The following SPAG16 variants were observed in gnomAD, a reference collection of about 807,000 sequenced individuals.
The protein encoded by SPAG16 is sperm associated antigen 16.
A neutral mutation model predicts 80.4 loss-of-function variants in SPAG16; 86 were observed. The ratio of observed to expected loss-of-function variants is 1.07; its 90% CI spans 0.90 to 1.28. The LOEUF (loss-of-function observed/expected upper bound fraction) is 1.28. Ranked by LOEUF, SPAG16 falls within the 50% of genes most tolerant of loss-of-function variation. The pLI is 0.00. For synonymous variants in SPAG16, 294 were observed against 265.9 expected (o/e 1.11, Z -1.03); for missense variants, 870 against 765.3 (o/e 1.14, Z -1.61).
chr2:213,527,852 C>T (rs1399931919), intron 10 of SPAG16, among the ~76,000 whole-genome samples: 2 of 151,912 alleles, frequency 1.3e-5, no homozygotes, highest in South Asian at 2.1e-4. Context: ...ATATTTCTTG[C>T]AGCACATAGA....
chr2:213,740,102 C>T (rs2067476713), intron 10 of SPAG16, among the ~76,000 whole-genome samples: 1 of 152,018 alleles, frequency 6.6e-6, no homozygotes, highest in Admixed American at 6.6e-5. Flanking sequence ...ACTGAAAAAT[C>T]ATATTACATT....
At chr2:214,098,071 A>T (rs2052729738) in intron 13 of SPAG16, among the ~76,000 whole-genome samples, 1 of 152,100 alleles carries the variant, frequency 6.6e-6, no homozygotes, top group Non-Finnish European at 1.5e-5. Flanking sequence ...TGCTTGTATG[A>T]TATCCAAGTC....
intron 10 of SPAG16, among the ~76,000 whole-genome samples, chr2:213,663,219 A>G (rs1412056412): frequency 6.6e-6 from 1 of 152,130 alleles, no homozygotes; most frequent in African/African-American, 2.4e-5. Flanking sequence ...AAAATTCTAT[A>G]GTGAGTTCTT....
intron 10 of SPAG16, among the ~76,000 whole-genome samples, chr2:213,493,506 T>G (rs2125743429): frequency 6.6e-6 from 1 of 152,334 alleles, no homozygotes; most frequent in Non-Finnish European, 1.5e-5. Context: ...GTCTTTCTTC[T>G]ACTCTTACAC....
intron 10 of SPAG16, among the ~76,000 whole-genome samples, chr2:213,757,439 G>A (rs1429353066): frequency 1.3e-5 from 2 of 151,972 alleles, no homozygotes; most frequent in East Asian, 3.9e-4. Context: ...TGCACTTCCT[G>A]ACTTCAAAGG....
At chr2:213,595,387 C>T (rs2060851612) in intron 10 of SPAG16, among the ~76,000 whole-genome samples, 2 of 152,058 alleles carry the variant, frequency 1.3e-5, no homozygotes, top group Admixed American at 1.3e-4. Flanking sequence ...GTTTATCCAG[C>T]TGGAAAAAGT....
At chr2:214,233,799 A>G (rs1688875107) in intron 15 of SPAG16, among the ~76,000 whole-genome samples, 1 of 152,138 alleles carries the variant, frequency 6.6e-6, no homozygotes. Flanking sequence ...GATGTAAAAA[A>G]AATTATGAGG....
At chr2:214,279,652 C>T (rs997220377) in intron 15 of SPAG16, among the ~76,000 whole-genome samples, 3 of 152,206 alleles carry the variant, frequency 2.0e-5, no homozygotes, top group Non-Finnish European at 4.4e-5. Flanking sequence ...AAGTATTCAT[C>T]AGAGTACTGA....
At chr2:214,298,141 TACACACACACACACATATAC>T (rs1215595601) in intron 15 of SPAG16, among the ~76,000 whole-genome samples, 1,782 of 132,344 alleles carry the variant, frequency 0.013, 44 homozygotes, top group African/African-American at 0.052. Context: ...CACATACACA[TACACACACACACACATATAC>T]ACACACACAC....
Position 214,302,754 on chromosome 2 carries a change from A to T in SPAG16, c.1721-107386A>T, listed in dbSNP as rs191156187. Among the ~76,000 whole-genome samples the T allele has an allele frequency of 2.6e-5, 4 of 152,314 alleles. No homozygotes were observed. In the East Asian group the frequency reaches 7.7e-4, roughly 29 times the overall value. ...TGCCTCAGCCTCCCGAAGTGCTGGG[A>T]TTACAGGTGTGAGCCACCGCGCCTG... On this transcript the variant is annotated intron_variant, in intron 15 of 15. Transcript: ENST00000331683.
intron 12 of SPAG16, among the ~76,000 whole-genome samples, chr2:213,955,229 A>G (rs2044059744): frequency 6.6e-6 from 1 of 152,132 alleles, no homozygotes; most frequent in African/African-American, 2.4e-5. Context: ...GTTGCATCTA[A>G]GAAGTCATTA....
chr2:213,294,984 G>C (rs1575103542), intron 1 of SPAG16, among the ~76,000 whole-genome samples: 1 of 152,080 alleles, frequency 6.6e-6, no homozygotes, highest in East Asian at 1.9e-4. Flanking sequence ...AAAACACTTA[G>C]AACAGTTCCT....
chr2:213,481,047 C>T (rs1173907273), intron 9 of SPAG16, among the ~76,000 whole-genome samples: 1 of 152,168 alleles, frequency 6.6e-6, no homozygotes, highest in African/African-American at 2.4e-5. Flanking sequence ...ATATATTAGG[C>T]AGTGAACGCA....
At chr2:213,925,902 T>A (rs959381342) in intron 11 of SPAG16, among the ~76,000 whole-genome samples, 3 of 152,168 alleles carry the variant, frequency 2.0e-5, no homozygotes, top group African/African-American at 7.2e-5. Flanking sequence ...CCTTTTTTTC[T>A]TATAATTCTT....
chr2:213,735,520 A>T (rs1014058802), intron 10 of SPAG16, among the ~76,000 whole-genome samples: 4 of 152,178 alleles, frequency 2.6e-5, no homozygotes, highest in Non-Finnish European at 5.9e-5. Flanking sequence ...ACTGAAGCTC[A>T]TATTGTTTCC....
chr2:213,518,446 G>A (rs1395667769), intron 10 of SPAG16, among the ~76,000 whole-genome samples: 2 of 152,144 alleles, frequency 1.3e-5, no homozygotes, highest in Non-Finnish European at 2.9e-5. Flanking sequence ...GTAGAGACAA[G>A]GTTTTGCTTT....
chr2:214,104,332 T>C (rs2053255126), intron 13 of SPAG16, among the ~76,000 whole-genome samples: 1 of 152,048 alleles, frequency 6.6e-6, no homozygotes, highest in Non-Finnish European at 1.5e-5. Flanking sequence ...AATGATAATT[T>C]TTTGGTTGGC....
chr2:214,209,320 T>A (rs543456604), intron 15 of SPAG16, among the ~76,000 whole-genome samples: 3 of 152,278 alleles, frequency 2.0e-5, no homozygotes, highest in East Asian at 3.9e-4. Context: ...TTGCAGCCTA[T>A]CTGAGAAATG....
chr2:213,327,458 G>C (rs2063893647), intron 5 of SPAG16, among the ~76,000 whole-genome samples: 3 of 152,036 alleles, frequency 2.0e-5, no homozygotes, highest in Admixed American at 2.0e-4. Flanking sequence ...CAATTCCTAT[G>C]CTTTGTTTCC....
Sources: gnomAD v4.1 joint callset for allele counts (sites outside exome capture counted in the v4.1 genomes callset) on GRCh38, gnomAD v4.1.1 for gene constraint, MANE v1.5 for transcripts, NCBI Gene and HGNC (gene_info 2026-07-23, HGNC 2026-07-21) for gene names.